Variants in TIMM23B observed in about 807,000 individuals in gnomAD.
The protein encoded by TIMM23B is translocase of inner mitochondrial membrane 23 homolog B.
In TIMM23B, 27 loss-of-function variants were observed where a neutral mutation model predicts 27.3. The ratio of observed to expected loss-of-function variants is 0.99; its 90% CI spans 0.73 to 1.36. The LOEUF (loss-of-function observed/expected upper bound fraction) is 1.36. TIMM23B is among the 40% of genes most tolerant of loss of function. The pLI is 0.00. For missense variants in TIMM23B, 205 were observed against 244.2 expected, an observed-to-expected ratio of 0.84 and a Z score of 1.07; for synonymous variants, 73 against 92.4, an observed-to-expected ratio of 0.79 and a Z score of 1.21.
chr10:49,957,422 T>G (rs1351500423), intron 5 of TIMM23B, among the ~76,000 whole-genome samples: 2 of 152,020 alleles, frequency 1.3e-5, no homozygotes, highest in Non-Finnish European at 2.9e-5. Flanking sequence ...CTAATTTTTT[T>G]AAAAATTTTT....
Position 49,961,512 on chromosome 10 carries a change from G to C in TIMM23B, c.514+3032G>C, listed in dbSNP as rs1333806649. On this transcript the variant is annotated intron_variant, in intron 6 of 6. Coordinates refer to ENST00000651259, the MANE Select transcript of TIMM23B (RefSeq NM_001290117.2). Reference sequence around the variant, plus strand: ...AATATATGGGACTTTGAATAGCATAGCAGCTAGCTGTCCTGGGCTCCCTCA... The same window carrying C: ...AATATATGGGACTTTGAATAGCATACCAGCTAGCTGTCCTGGGCTCCCTCA... Among the ~76,000 whole-genome samples the C allele has an allele frequency of 7.2e-5, 11 of 151,918 alleles. No individual in the cohort carries two copies. In the East Asian group the frequency reaches 1.3e-3, roughly 19 times the overall value.
intron 6 of TIMM23B, among the ~76,000 whole-genome samples, chr10:49,967,172 C>G (rs1209390578): frequency 1.3e-5 from 2 of 152,160 alleles, no homozygotes; most frequent in African/African-American, 4.8e-5. Flanking sequence ...TCCACCCTGC[C>G]TTGGCCTCCC....
At chr10:49,969,963 G>A (rs1712392454) in intron 6 of TIMM23B, 1 of 165,864 alleles carries the variant, frequency 6.0e-6, no homozygotes, top group South Asian at 1.3e-4. Context: ...ACTGGTTTTT[G>A]TATTTTTTTT....
intron 5 of TIMM23B, 89 bp downstream of exon 5, chr10:49,955,149 G>T (rs1353601579): frequency 1.5e-6 from 2 of 1,344,904 alleles, no homozygotes; most frequent in African/African-American, 1.4e-5. Flanking sequence ...CCATATTCTG[G>T]TCCTAGGATA....
intron 1 of TIMM23B, 95 bp from the exon 2 acceptor site, chr10:49,944,937 A>G (rs1839308690): frequency 1.3e-6 from 2 of 1,511,394 alleles, no homozygotes; most frequent in Non-Finnish European, 1.8e-6. Context: ...GCCTATAAAA[A>G]TTGCAAACAC....
intron 6 of TIMM23B, among the ~76,000 whole-genome samples, chr10:49,969,850 G>C (rs1840344727): frequency 6.6e-6 from 1 of 151,924 alleles, no homozygotes; most frequent in Non-Finnish European, 1.5e-5. Context: ...AGCCGAAGCT[G>C]GACTGTACTG....
chr10:49,957,103 A>G (rs1839749378), intron 5 of TIMM23B, among the ~76,000 whole-genome samples: 1 of 151,840 alleles, frequency 6.6e-6, no homozygotes, highest in Non-Finnish European at 1.5e-5. Context: ...TCTGATGCTG[A>G]TCGCAAGCTC....
intron 2 of TIMM23B, among the ~76,000 whole-genome samples, chr10:49,946,324 T>C (rs1194083529): frequency 2.0e-5 from 3 of 152,032 alleles, no homozygotes; most frequent in African/African-American, 7.2e-5. Flanking sequence ...AAAATAAGTA[T>C]ATTTACTCTC....
intron 6 of TIMM23B, among the ~76,000 whole-genome samples, chr10:49,962,143 A>G (rs1486646029): frequency 2.6e-5 from 4 of 152,170 alleles, no homozygotes; most frequent in African/African-American, 9.7e-5. Flanking sequence ...TTTGAGGCTT[A>G]TGATTAAATG....
At chr10:49,965,498 C>A (rs552954268) in intron 6 of TIMM23B, among the ~76,000 whole-genome samples, 1 of 148,590 alleles carries the variant, frequency 6.7e-6, no homozygotes, top group Non-Finnish European at 1.5e-5. Flanking sequence ...GGCGATAGAG[C>A]GAGTCTCTGT....
In TIMM23B at chr10:49,942,234, G is replaced by C; in HGVS notation, c.40G>C (p.Val14Leu). The C allele has an allele frequency of 6.2e-7, 1 of 1,612,708 alleles. No individual in the cohort carries two copies. The highest frequency in any genetic ancestry group is 2.2e-5 in the East Asian group (1 of 44,852). ...GGGAAGCGGCGACAAAACCACAGGGGTATTGGCCGGCTTTTTCGGAGCCGG... is the reference window on the plus strand; with the variant it reads ...GGGAAGCGGCGACAAAACCACAGGGCTATTGGCCGGCTTTTTCGGAGCCGG... ...GGGSGDKTTG[V>L]LAGFFGAGEA... The change falls in exon 1 of 7, where the codon GTA becomes CTA. Residue 14 changes from valine (V) to leucine (L), a missense_variant. Coordinates refer to ENST00000651259, the MANE Select transcript of TIMM23B (RefSeq NM_001290117.2).
intron 4 of TIMM23B, among the ~76,000 whole-genome samples, chr10:49,953,508 G>A (rs1839610148): frequency 6.6e-6 from 1 of 152,074 alleles, no homozygotes; most frequent in African/African-American, 2.4e-5. Context: ...ACCATGCCCA[G>A]TTAATTTTTT....
At chr10:49,950,251 G>A (rs1727947388) in intron 2 of TIMM23B, among the ~76,000 whole-genome samples, 1 of 134,812 alleles carries the variant, frequency 7.4e-6, no homozygotes, top group African/African-American at 2.8e-5. Flanking sequence ...CCCATTCTTG[G>A]ATTTATCTTC....
intron 4 of TIMM23B, among the ~76,000 whole-genome samples, chr10:49,953,541 T>A (rs1349292326): frequency 1.3e-5 from 2 of 152,178 alleles, no homozygotes; most frequent in Non-Finnish European, 2.9e-5. Flanking sequence ...AGACGGGGTC[T>A]CACTGTATTG....
chr10:49,951,140 A>C (rs1352942940), intron 2 of TIMM23B, among the ~76,000 whole-genome samples: 1 of 152,154 alleles, frequency 6.6e-6, no homozygotes, highest in Non-Finnish European at 1.5e-5. Flanking sequence ...TTACTTTTGC[A>C]ATTTTTGGTG....
intron 5 of TIMM23B, among the ~76,000 whole-genome samples, chr10:49,955,271 A>G (rs1400006435): frequency 6.6e-6 from 1 of 152,202 alleles, no homozygotes; most frequent in Non-Finnish European, 1.5e-5. Context: ...TCTGAATACC[A>G]TTTCTGAATT....
At chr10:49,951,094 A>G (rs1306746309) in intron 2 of TIMM23B, among the ~76,000 whole-genome samples, 1 of 152,218 alleles carries the variant, frequency 6.6e-6, no homozygotes, top group Non-Finnish European at 1.5e-5. Flanking sequence ...ATTGCCCAAC[A>G]GACCATTCTT....
At chr10:49,961,632 C>T (rs1160029420) in intron 6 of TIMM23B, among the ~76,000 whole-genome samples, 5 of 151,584 alleles carry the variant, frequency 3.3e-5, no homozygotes, top group Admixed American at 3.3e-4. Flanking sequence ...TGCGGTCTTG[C>T]TCTGTCACCC....
intron 6 of TIMM23B, among the ~76,000 whole-genome samples, chr10:49,969,617 T>G (rs1369986475): frequency 6.6e-6 from 1 of 151,136 alleles, no homozygotes; most frequent in East Asian, 2.0e-4. Flanking sequence ...CACTTGAGCT[T>G]GGGGAGGTCA....
Sources: gnomAD v4.1 joint callset for allele counts (sites outside exome capture counted in the v4.1 genomes callset) on GRCh38, gnomAD v4.1.1 for gene constraint, MANE v1.5 for transcripts, NCBI Gene and HGNC (gene_info 2026-07-23, HGNC 2026-07-21) for gene names.